The following ACACA variants were observed in gnomAD, a reference collection of about 807,000 sequenced individuals.
ACACA encodes acetyl-CoA carboxylase 1.
In ACACA, 103 loss-of-function variants were observed where a neutral mutation model predicts 296.1. The observed-to-expected ratio is 0.35, with a 90% CI of 0.30 to 0.41. ACACA has a LOEUF of 0.41. Among genes scored for constraint, ACACA ranks in the 10% least tolerant of loss-of-function variants. The pLI is 1.00. For synonymous variants in ACACA, 953 were observed against 1,038.6 expected (o/e 0.92, Z 1.58); for missense variants, 1,554 against 2,989.7 (o/e 0.52, Z 11.20).
At chr17:37,116,829 T>C (rs2074279501) in intron 50 of ACACA, among the ~76,000 whole-genome samples, 1 of 152,114 alleles carries the variant, frequency 6.6e-6, no homozygotes, top group Admixed American at 6.5e-5. Flanking sequence ...GCACAGCCAA[T>C]AGCAGCAGGG....
chr17:37,390,330 A>ACATATATATATATATATC (rs1244676462), intron 1 of ACACA, among the ~76,000 whole-genome samples: 3 of 41,592 alleles, frequency 7.2e-5, no homozygotes, highest in Non-Finnish European at 1.1e-4. Flanking sequence ...ATATATATAT[A>ACATATATATATATATATC]TATAAAAGGC....
chr17:37,258,328 T>G lies in ACACA; in HGVS notation c.1546A>C (p.Met516Leu). 1.2e-6 allele frequency: 2 copies of G among 1,614,100 alleles called. No homozygotes were observed. The highest frequency in any genetic ancestry group is 1.3e-5 in the African/African-American group (1 of 75,034). ...TCACCCCAGGGAGATACCCCATACA[T>G]CATACGGATATCCTTGATTCTATAT... ...PLYRIKDIRM[M>L]YGVSPWGDSP... is the part of the protein sequence containing the mutation. Residue 516 changes from methionine (M) to leucine (L), a missense_variant, in exon 13 of 56, where the codon ATG becomes CTG. By Grantham distance (15) the Met-to-Leu change is conservative. Coordinates refer to ENST00000616317, the MANE Select transcript of ACACA (RefSeq NM_198834.3).
intron 5 of ACACA, among the ~76,000 whole-genome samples, chr17:37,279,701 C>A (rs150207500): frequency 0.016 from 2,362 of 150,842 alleles, 56 homozygotes; most frequent in South Asian, 0.1. Context: ...ATCCCAGCCA[C>A]TCGGGAGGCT....
At chr17:37,269,763 GAAA>G (rs71159698) in intron 10 of ACACA, among the ~76,000 whole-genome samples, 3 of 129,294 alleles carry the variant, frequency 2.3e-5, no homozygotes, top group African/African-American at 8.8e-5. Flanking sequence ...TGTTTTAAGG[GAAA>G]AAAAAAAAAA....
chr17:37,125,827 A>G (rs1879949754), intron 47 of ACACA, 33 bp from the exon 48 acceptor site: 1 of 1,550,436 alleles, frequency 6.4e-7, no homozygotes, highest in South Asian at 1.1e-5. Flanking sequence ...ACAGAGAATA[A>G]GGACAGTGAA....
chr17:37,202,702 TATATATATATACACAC>T (rs1350032924), intron 33 of ACACA, among the ~76,000 whole-genome samples: 6 of 21,354 alleles, frequency 2.8e-4, no homozygotes, highest in African/African-American at 9.8e-4. Flanking sequence ...TATATATATA[TATATATATATACACAC>T]ACACATATAT....
At chr17:37,140,790 C>A in intron 45 of ACACA, 1 of 209,816 alleles carries the variant, frequency 4.8e-6, no homozygotes, top group African/African-American at 2.3e-5. Flanking sequence ...AGAAAGTTCC[C>A]TAGGGTGGCA....
chr17:37,168,934 T>C (rs976157819), intron 41 of ACACA, among the ~76,000 whole-genome samples: 3 of 152,224 alleles, frequency 2.0e-5, no homozygotes, highest in African/African-American at 7.2e-5. Flanking sequence ...TAAATACATA[T>C]TTAGGACTGT....
At chr17:37,088,624 C>A (rs1386443206) in intron 55 of ACACA, among the ~76,000 whole-genome samples, 5 of 152,244 alleles carry the variant, frequency 3.3e-5, no homozygotes, top group African/African-American at 1.2e-4. Context: ...CAGGAAACCA[C>A]CACACACACA....
At chr17:37,295,342 C>T (rs1474961388) in intron 3 of ACACA, among the ~76,000 whole-genome samples, 1 of 152,148 alleles carries the variant, frequency 6.6e-6, no homozygotes. Context: ...AAAAATAAAC[C>T]CCAAACTTTG....
intron 11 of ACACA, 106 bp downstream of exon 11, chr17:37,263,579 A>G (rs2081612094): frequency 1.0e-6 from 1 of 978,710 alleles, no homozygotes; most frequent in African/African-American, 1.6e-5. Context: ...TTTATTAATT[A>G]TTCAGAATCG....
chr17:37,310,176 G>C lies in ACACA; in HGVS notation c.338+19997C>G, dbSNP rs2084064033. Among the ~76,000 whole-genome samples, 3 of 152,184 alleles carry C rather than the reference G, an allele frequency of 2.0e-5. No individual in the cohort carries two copies. The South Asian group carries it at 6.2e-4, about 32-fold the overall frequency. ...TCCAAGCAAGAGCTGACGTGCTAAG[G>C]CTTGGACTAAGGTGATTGCAAGTGA... On this transcript the variant is annotated intron_variant, in intron 3 of 55. Transcript: ENST00000616317.
chr17:37,221,590 T>C, intron 29 of ACACA, 134 bp downstream of exon 29: 1 of 814,926 alleles, frequency 1.2e-6, no homozygotes, highest in Non-Finnish European at 2.2e-6. Flanking sequence ...GGCTCTTCTC[T>C]TTTGGTTCAT....
In ACACA at chr17:37,275,895, A is replaced by T. The variant is rs368769078; in HGVS notation, c.901+56T>A. 31 of 1,463,396 alleles carry T rather than the reference A, an allele frequency of 2.1e-5. No individual in the cohort carries two copies. The African/African-American group carries it at 4.2e-4, about 20-fold the overall frequency. The allele number at this position is 1,463,396 out of a possible 1,614,324, so 90.7% of individuals were successfully genotyped here. A position where few individuals can be genotyped will look rare whatever the true frequency, so the allele number is the denominator to read the frequency against. ...ACTTTTTCAAAAGAGGTAAGTCCCA[A>T]ATATCCTACTGAGCTATTCTGTACT... On this transcript the variant is annotated intron_variant, in intron 8 of 55. Coordinates refer to ENST00000616317, the MANE Select transcript of ACACA (RefSeq NM_198834.3).
intron 2 of ACACA, among the ~76,000 whole-genome samples, chr17:37,332,509 G>C (rs150694123): frequency 2.0e-5 from 3 of 150,180 alleles, no homozygotes; most frequent in African/African-American, 4.9e-5. Flanking sequence ...GGTGGCTCAC[G>C]CCTATAATCC....
At chr17:37,156,284 C>T (rs574548523) in intron 42 of ACACA, among the ~76,000 whole-genome samples, 1 of 152,110 alleles carries the variant, frequency 6.6e-6, no homozygotes, top group Admixed American at 6.5e-5. Flanking sequence ...AGGATGGTCT[C>T]AATCTCCTGA....
chr17:37,205,593 T>C (rs2078461395), intron 33 of ACACA, among the ~76,000 whole-genome samples, 172 bp downstream of exon 33: 1 of 152,166 alleles, frequency 6.6e-6, no homozygotes, highest in African/African-American at 2.4e-5. Flanking sequence ...AAGATATTCA[T>C]TATATATTAT....
chr17:37,406,396 T>A lies in ACACA; in HGVS notation c.-97A>T. On this transcript the variant is annotated 5_prime_UTR_variant, in exon 1 of 56. Coordinates refer to ENST00000616317, the MANE Select transcript of ACACA (RefSeq NM_198834.3). ...TTTCGACGTTCCAGGAGCATCTGAT[T>A]GAAACGCACCCTCTTCACCCCTTAA... The A allele has an allele frequency of 7.6e-7, 1 of 1,307,576 alleles. No homozygotes were observed. Among genetic ancestry groups the A allele is most frequent in the Non-Finnish European group, 1.1e-6 (1 of 902,860 alleles). The allele number at this position is 1,307,576 out of a possible 1,614,324, so 81.0% of individuals were successfully genotyped here. A position where few individuals can be genotyped will look rare whatever the true frequency, so the allele number is the denominator to read the frequency against.
intron 1 of ACACA, chr17:37,367,098 A>ATG (rs995149793): frequency 2.7e-5 from 4 of 150,726 alleles, no homozygotes. Context: ...AGAAAAAAAT[A>ATG]TATATATATA....
Sources: gnomAD v4.1 joint callset for allele counts (sites outside exome capture counted in the v4.1 genomes callset) on GRCh38, gnomAD v4.1.1 for gene constraint, MANE v1.5 for transcripts, NCBI Gene and HGNC (gene_info 2026-07-23, HGNC 2026-07-21) for gene names.